NELFCD: variants seen among roughly 807,000 people sequenced by gnomAD.
NELFCD encodes negative elongation factor C/D.
A neutral mutation model predicts 72.9 loss-of-function variants in NELFCD; 48 were observed. That is an observed-to-expected ratio of 0.66 (90% CI 0.52 to 0.84). The LOEUF (loss-of-function observed/expected upper bound fraction) is 0.84. Among genes scored for constraint, NELFCD ranks in the 40% least tolerant of loss-of-function variants. NELFCD has a pLI of 0.00. For missense variants in NELFCD, 538 were observed against 723.8 expected (o/e 0.74, Z 2.94); for synonymous variants, 297 against 280.6 (o/e 1.06, Z -0.59).
Position 58,984,198 on chromosome 20 carries a change from G to C in NELFCD, c.61-1895G>C, listed in dbSNP as rs1228763703. 5.3e-5 allele frequency among the ~76,000 whole-genome samples: 8 copies of C among 152,322 alleles called. No individual in the cohort carries two copies. In the East Asian group the frequency reaches 1.5e-3, roughly 29 times the overall value. ...ATGCAAATAGATGAGTCCTGCTACAGATTGCAAATGGGGAGTGGTGAGAGG... is the reference window on the plus strand; with the variant it reads ...ATGCAAATAGATGAGTCCTGCTACACATTGCAAATGGGGAGTGGTGAGAGG... On this transcript the variant is annotated intron_variant, in intron 1 of 14. Coordinates refer to ENST00000652272, the MANE Select transcript of NELFCD (RefSeq NM_198976.4).
chr20:58,990,078 A>G (rs1569058762), intron 7 of NELFCD, 90 bp downstream of exon 7: 2 of 1,526,632 alleles, frequency 1.3e-6, no homozygotes, highest in East Asian at 2.3e-5. Context: ...CAAAGCTGCT[A>G]GCTCCTTCTG....
chr20:58,990,400 CA>C (rs34301819), intron 7 of NELFCD: 31,535 of 123,290 alleles, frequency 0.26, 3,140 homozygotes, highest in African/African-American at 0.34. Flanking sequence ...AACTCTGTCT[CA>C]AAAAAAAAAA....
At chr20:58,991,239 G>C (rs776619090) in intron 8 of NELFCD, 73 bp from the exon 9 acceptor site, 25 of 1,601,956 alleles carry the variant, frequency 1.6e-5, no homozygotes, top group Non-Finnish European at 2.1e-5. Context: ...GCTGTGTAGG[G>C]AACCCTGAGG....
At chr20:58,990,645 A>C in intron 7 of NELFCD, 1 of 374,734 alleles carries the variant, frequency 2.7e-6, no homozygotes, top group Non-Finnish European at 4.8e-6. Context: ...ACAGTGTCGC[A>C]AAATGAGCTC....
chr20:58,981,831 A>C (rs1379095989), intron 1 of NELFCD, among the ~76,000 whole-genome samples: 1 of 152,234 alleles, frequency 6.6e-6, no homozygotes, highest in Non-Finnish European at 1.5e-5. Context: ...GCATTCCTAC[A>C]TGTGCTTTAC....
Position 58,994,961 on chromosome 20 carries a change from T to G in NELFCD, c.*285T>G. The G allele has an allele frequency of 2.7e-6, 1 of 376,996 alleles. No individual in the cohort carries two copies. Among genetic ancestry groups the G allele is most frequent in the Non-Finnish European group, 4.7e-6 (1 of 210,908 alleles). 23.4% of individuals were successfully genotyped at this position (376,996 alleles called of 1,614,324 possible). A position where few individuals can be genotyped will look rare whatever the true frequency, so the allele number is the denominator to read the frequency against. The stretch of plus-strand genomic sequence containing the variant: ...GGCTCCCACGACCCCTCAGGACAGA[T>G]CTGGCCGTCAGCCGCGGGCCGCTGG... On this transcript the variant is annotated 3_prime_UTR_variant, in exon 15 of 15. Transcript: ENST00000652272.
chr20:58,988,961 C>G lies in NELFCD; in HGVS notation c.444C>G (p.Asp148Glu). 6.2e-7 allele frequency: 1 copy of G among 1,614,160 alleles called. No individual in the cohort carries two copies. Among genetic ancestry groups the G allele is most frequent in the African/African-American group, 1.3e-5 (1 of 75,030 alleles). ...TGATTGCACATACCACGTGGCGGGA[C>G]CTTTTTTATAAACTGGCTGAAGCCC... ...EQMIAHTTWR[D>E]LFYKLAEAHP... Residue 148 changes from aspartate to glutamate, a missense_variant, in exon 5 of 15, where the codon GAC (aspartate) becomes GAG (glutamate). Asp to Glu is a conservative substitution (Grantham distance 45). Transcript: ENST00000652272.
intron 1 of NELFCD, among the ~76,000 whole-genome samples, chr20:58,983,211 G>A (rs932250717): frequency 2.0e-5 from 3 of 146,400 alleles, no homozygotes; most frequent in Non-Finnish European, 3.0e-5. Flanking sequence ...ATCTCAGCTC[G>A]CTGCAACTGC....
In NELFCD at chr20:58,988,319, C is replaced by G. The variant is rs184837476; in HGVS notation, c.396+502C>G. On this transcript the variant is annotated intron_variant, in intron 4 of 14. Coordinates refer to ENST00000652272, the MANE Select transcript of NELFCD (RefSeq NM_198976.4). The stretch of plus-strand genomic sequence containing the variant: ...CAGTGCAGTTTCCAGAACGTTCCAG[C>G]CATATCAGTGGGGAATCTTTAAGCC... Among the ~76,000 whole-genome samples, 17 of 152,304 alleles carry G rather than the reference C, an allele frequency of 1.1e-4. No individual in the cohort carries two copies. The East Asian group carries it at 1.9e-3, about 17-fold the overall frequency.
At chr20:58,982,347 G>T (rs2091741389) in intron 1 of NELFCD, among the ~76,000 whole-genome samples, 1 of 151,736 alleles carries the variant, frequency 6.6e-6, no homozygotes, top group East Asian at 1.9e-4. Context: ...GAGTAGAGAG[G>T]GGGTTTCACC....
chr20:58,981,402 A>G, intron 1 of NELFCD, 33 bp downstream of exon 1: 1 of 990,072 alleles, frequency 1.0e-6, no homozygotes, highest in Non-Finnish European at 1.2e-6. Context: ...CCCTAGAGAG[A>G]ATCGTTCGTC....
chr20:58,994,478 G>A (rs566122844), intron 14 of NELFCD, among the ~76,000 whole-genome samples, 164 bp from the exon 15 acceptor site: 2 of 150,478 alleles, frequency 1.3e-5, no homozygotes, highest in Admixed American at 6.6e-5. Flanking sequence ...CAGGAGAATC[G>A]CTTAACCTGG....
In NELFCD at chr20:58,986,628, C is replaced by T; in HGVS notation, c.177-126C>T. 5 of 769,342 alleles carry T rather than the reference C, an allele frequency of 6.5e-6. No individual in the cohort carries two copies. Among genetic ancestry groups the T allele is most frequent in the South Asian group, 2.7e-5 (2 of 73,016 alleles). 47.7% of individuals were successfully genotyped at this position (769,342 alleles called of 1,614,324 possible). On this transcript the variant is annotated intron_variant, in intron 2 of 14. Coordinates refer to ENST00000652272, the MANE Select transcript of NELFCD (RefSeq NM_198976.4). The surrounding 1 kb of genome is among the most constrained non-coding windows in gnomAD (Gnocchi z 4.4). ...AAAGTGCTGGGATTACAGGTGTGCA[C>T]CACTGCACCCAGCCCCCTCCGCTGC...
At chr20:58,989,062 AT>A (rs1569058219) in intron 5 of NELFCD, 41 bp downstream of exon 5, 1 of 1,451,246 alleles carries the variant, frequency 6.9e-7, no homozygotes, top group South Asian at 1.1e-5. Flanking sequence ...GTGTTTATGA[AT>A]GTTTATTTTT....
intron 7 of NELFCD, 39 bp downstream of exon 7, chr20:58,990,027 T>G: frequency 6.2e-7 from 1 of 1,603,094 alleles, no homozygotes; most frequent in Non-Finnish European, 8.5e-7. Context: ...TCCTTCCTAG[T>G]GCTCCCCACA....
chr20:58,993,861 G>A lies in NELFCD; in HGVS notation c.1581+97G>A, dbSNP rs1181440927. 3.0e-4 allele frequency: 412 copies of A among 1,390,732 alleles called. 1 individual carries two copies. The highest frequency in any genetic ancestry group is 5.9e-5 in the Non-Finnish European group (59 of 1,005,512). The allele number at this position is 1,390,732 out of a possible 1,614,324, so 86.1% of individuals were successfully genotyped here. ...TTCATTTTGTACCTAACTGAGAACT[G>A]TGCTTTCTGATGTAGTGATGACAAT... On this transcript the variant is annotated intron_variant, in intron 13 of 14. Transcript: ENST00000652272. This position sits in a 1 kb window ranked among gnomAD's most constrained non-coding sequence, Gnocchi z 5.0.
intron 4 of NELFCD, 131 bp from the exon 5 acceptor site, chr20:58,988,783 C>T (rs2091791076): frequency 4.6e-6 from 3 of 645,188 alleles, no homozygotes; most frequent in East Asian, 2.8e-5. Context: ...TCTGGGTCTG[C>T]CTCCCCCAGA....
Position 58,981,376 on chromosome 20 carries a change from C to A in NELFCD, c.60+7C>A. 1.9e-6 allele frequency: 2 copies of A among 1,075,944 alleles called. No homozygotes were observed. Among genetic ancestry groups the A allele is most frequent in the South Asian group, 4.0e-5 (1 of 25,260 alleles). The allele number at this position is 1,075,944 out of a possible 1,614,324, so 66.6% of individuals were successfully genotyped here. ...CGAGGCTGACGGCGGCCAGGTGAGGCGGGGCACTGGGCGCACCCTAGAGAG... is the reference window on the plus strand; with the variant it reads ...CGAGGCTGACGGCGGCCAGGTGAGGAGGGGCACTGGGCGCACCCTAGAGAG... On this transcript the variant is annotated splice_region_variant and intron_variant, in intron 1 of 14. Coordinates refer to ENST00000652272, the MANE Select transcript of NELFCD (RefSeq NM_198976.4).
chr20:58,988,789 C>A, intron 4 of NELFCD, 125 bp from the exon 5 acceptor site: 1 of 679,440 alleles, frequency 1.5e-6, no homozygotes, highest in Non-Finnish European at 2.6e-6. Flanking sequence ...TCTGCCTCCC[C>A]CAGAACTAGA....
Sources: gnomAD v4.1 joint callset for allele counts (sites outside exome capture counted in the v4.1 genomes callset) on GRCh38, gnomAD v4.1.1 for gene constraint, Gnocchi (gnomAD v3.1) non-coding constraint, MANE v1.5 for transcripts, NCBI Gene and HGNC (gene_info 2026-07-23, HGNC 2026-07-21) for gene names.